Variants in TYW1B observed in about 807,000 individuals in gnomAD.
TYW1B encodes tRNA-yW synthesizing protein 1 homolog B.
In TYW1B, 73 loss-of-function variants were observed where a neutral mutation model predicts 86.9. That is an observed-to-expected ratio of 0.84 (90% CI 0.70 to 1.02). TYW1B has a LOEUF of 1.02. Ranked by LOEUF, TYW1B falls within the 50% of genes least tolerant of loss-of-function variation. The probability of loss-of-function intolerance (pLI) is 0.00; values close to 1 mark genes in which losing one functional copy is unlikely to be tolerated. For synonymous variants in TYW1B, 248 were observed against 292.8 expected (o/e 0.85, Z 1.56); for missense variants, 637 against 827.4 (o/e 0.77, Z 2.82).
intron 12 of TYW1B, among the ~76,000 whole-genome samples, chr7:72,619,077 C>G (rs1812151460): frequency 6.6e-6 from 1 of 152,166 alleles, no homozygotes; most frequent in African/African-American, 2.4e-5. Flanking sequence ...CGAGGACTTT[C>G]CAGATCTCCC....
At chr7:72,663,767 A>G (rs1307847848) in intron 11 of TYW1B, among the ~76,000 whole-genome samples, 1 of 149,632 alleles carries the variant, frequency 6.7e-6, no homozygotes, top group Non-Finnish European at 1.5e-5. Flanking sequence ...ATCTCAAAAA[A>G]AAAAAAAAAA....
intron 7 of TYW1B, among the ~76,000 whole-genome samples, chr7:72,774,564 T>C (rs535079675): frequency 9.3e-4 from 141 of 151,754 alleles, no homozygotes; most frequent in African/African-American, 3.1e-3. Flanking sequence ...CTACTAAAAA[T>C]ACAAAAAATT....
At chr7:72,767,797 C>A (rs1350088267) in intron 7 of TYW1B, among the ~76,000 whole-genome samples, 2 of 152,068 alleles carry the variant, frequency 1.3e-5, no homozygotes, top group Non-Finnish European at 2.9e-5. Context: ...TAGAGAGCCC[C>A]TCTCTGTTTG....
chr7:72,683,759 T>C (rs1340773155), intron 11 of TYW1B, among the ~76,000 whole-genome samples: 3 of 152,098 alleles, frequency 2.0e-5, no homozygotes, highest in African/African-American at 7.2e-5. Flanking sequence ...TTTAAAGAGA[T>C]AGCACAAGCA....
At chr7:72,627,477 T>C (rs2129568666) in intron 12 of TYW1B, among the ~76,000 whole-genome samples, 1 of 147,458 alleles carries the variant, frequency 6.8e-6, no homozygotes, top group South Asian at 2.2e-4. Flanking sequence ...TAACATAACA[T>C]AACATAACAT....
intron 12 of TYW1B, among the ~76,000 whole-genome samples, chr7:72,627,364 C>G (rs1229845405): frequency 6.6e-6 from 1 of 151,930 alleles, no homozygotes; most frequent in East Asian, 1.9e-4. Context: ...AGGAGAATCG[C>G]TTGAACCCGG....
At chr7:72,608,417 A>G (rs1257098756) in intron 13 of TYW1B, among the ~76,000 whole-genome samples, 1 of 152,220 alleles carries the variant, frequency 6.6e-6, no homozygotes, top group Non-Finnish European at 1.5e-5. Context: ...AAGAGATTTA[A>G]GAGGGGTAAA....
At chr7:72,753,865 T>A (rs1563082650) in intron 7 of TYW1B, among the ~76,000 whole-genome samples, 1 of 152,194 alleles carries the variant, frequency 6.6e-6, no homozygotes, top group African/African-American at 2.4e-5. Flanking sequence ...TGCTATTGCA[T>A]ACTTAACAGA....
chr7:72,600,537 A>T (rs1242529886), intron 13 of TYW1B, among the ~76,000 whole-genome samples: 1 of 152,216 alleles, frequency 6.6e-6, no homozygotes. Context: ...TGCTCTGAGA[A>T]GGGCATAATT....
At chr7:72,754,673 T>C (rs1393201515) in intron 7 of TYW1B, among the ~76,000 whole-genome samples, 1 of 151,244 alleles carries the variant, frequency 6.6e-6, no homozygotes, top group Non-Finnish European at 1.5e-5. Context: ...CCTGACCTCA[T>C]GTAATCCACT....
intron 6 of TYW1B, among the ~76,000 whole-genome samples, chr7:72,791,499 C>T (rs181931936): frequency 7.2e-4 from 110 of 152,078 alleles, no homozygotes; most frequent in Admixed American, 2.4e-3. Flanking sequence ...TAGAACAGGA[C>T]GGGCACAGTG....
intron 13 of TYW1B, among the ~76,000 whole-genome samples, chr7:72,584,300 CT>C (rs2129567673): frequency 6.6e-6 from 1 of 152,286 alleles, no homozygotes; most frequent in East Asian, 1.9e-4. Context: ...CCATTTCAGC[CT>C]CTTAAAATGC....
chr7:72,580,498 C>T (rs1261053139), intron 13 of TYW1B, among the ~76,000 whole-genome samples: 1 of 152,180 alleles, frequency 6.6e-6, no homozygotes, highest in Admixed American at 6.5e-5. Context: ...TAAAAACACA[C>T]AAGCGCAATA....
At chr7:72,702,366 C>T (rs536700156) in intron 10 of TYW1B, among the ~76,000 whole-genome samples, 14 of 152,134 alleles carry the variant, frequency 9.2e-5, no homozygotes, top group East Asian at 7.7e-4. Flanking sequence ...TGGTTTTTAC[C>T]GTGGTTGTGA....
At chr7:72,792,771 C>T (rs1788242282) in intron 6 of TYW1B, among the ~76,000 whole-genome samples, 1 of 152,068 alleles carries the variant, frequency 6.6e-6, no homozygotes, top group African/African-American at 2.4e-5. Context: ...TTAAAATGAA[C>T]CTTACATTGA....
At chr7:72,606,228 C>T (rs1466057905) in intron 13 of TYW1B, among the ~76,000 whole-genome samples, 1 of 152,102 alleles carries the variant, frequency 6.6e-6, no homozygotes, top group Non-Finnish European at 1.5e-5. Flanking sequence ...GTAAAGGCTG[C>T]TCTCTTAGGA....
intron 8 of TYW1B, among the ~76,000 whole-genome samples, chr7:72,732,711 A>G (rs185464918): frequency 6.6e-6 from 1 of 152,288 alleles, no homozygotes; most frequent in East Asian, 1.9e-4. Context: ...GAACTAGAAA[A>G]GCAAAAACAA....
chr7:72,600,156 T>C (rs1811626918), intron 13 of TYW1B, among the ~76,000 whole-genome samples: 1 of 152,138 alleles, frequency 6.6e-6, no homozygotes, highest in Non-Finnish European at 1.5e-5. Context: ...TGCATGGTAT[T>C]GGGGAAAGAA....
At chr7:72,690,290 A>C (rs1365437157) in intron 11 of TYW1B, among the ~76,000 whole-genome samples, 2 of 127,492 alleles carry the variant, frequency 1.6e-5, no homozygotes, top group East Asian at 4.2e-4. Flanking sequence ...TGTATAAGAT[A>C]TATTTCTCTT....
Sources: gnomAD v4.1 joint callset for allele counts (sites outside exome capture counted in the v4.1 genomes callset) on GRCh38, gnomAD v4.1.1 for gene constraint, MANE v1.5 for transcripts, NCBI Gene and HGNC (gene_info 2026-07-23, HGNC 2026-07-21) for gene names.